Variants in CCDC112 observed in about 807,000 individuals in gnomAD.
The protein encoded by CCDC112 is coiled-coil domain-containing protein 112.
In CCDC112, 40 loss-of-function variants were observed where a neutral mutation model predicts 66.3. The observed-to-expected ratio is 0.60, with a 90% CI of 0.47 to 0.79. CCDC112 has a LOEUF of 0.79. Ranked by LOEUF, CCDC112 falls within the 30% of genes least tolerant of loss-of-function variation. The probability of loss-of-function intolerance (pLI) is 0.00; values close to 1 mark genes in which losing one functional copy is unlikely to be tolerated. For synonymous variants in CCDC112, 214 were observed against 197.2 expected, an observed-to-expected ratio of 1.09 and a Z score of -0.71; for missense variants, 659 against 603.8, an observed-to-expected ratio of 1.09 and a Z score of -0.96.
rs1750070306 is a variant in CCDC112, at chr5:115,294,611, G to T, written c.117+1816C>A. On this transcript the variant is annotated intron_variant, in intron 1 of 9. Coordinates refer to ENST00000379611, the MANE Select transcript of CCDC112 (RefSeq NM_001040440.3). ...GCTGACAGGAACTTTAGATATTTTG[G>T]TAGACATCTCTAGTATCATGAGATT... 2.6e-5 allele frequency among the ~76,000 whole-genome samples: 4 copies of T among 152,168 alleles called. No homozygotes were observed. In the South Asian group the frequency reaches 8.3e-4, roughly 32 times the overall value.
chr5:115,275,092 G>A (rs1344003586), intron 6 of CCDC112, 124 bp downstream of exon 6: 21 of 731,632 alleles, frequency 2.9e-5, no homozygotes, highest in African/African-American at 1.4e-4. Flanking sequence ...TTAGATTGTC[G>A]GGGGCGGGGA....
chr5:115,292,754 G>C (rs1749988814), intron 1 of CCDC112, among the ~76,000 whole-genome samples: 2 of 152,194 alleles, frequency 1.3e-5, no homozygotes, highest in Non-Finnish European at 2.9e-5. Flanking sequence ...CCAATAATTG[G>C]TCAGAGATTT....
chr5:115,289,771 C>T (rs954140014), intron 1 of CCDC112, among the ~76,000 whole-genome samples: 2 of 152,162 alleles, frequency 1.3e-5, no homozygotes, highest in Non-Finnish European at 2.9e-5. Context: ...TCTACCTCCA[C>T]CTCCCCAGTT....
Position 115,267,568 on chromosome 5 carries a change from T to C in CCDC112, c.*308A>G, listed in dbSNP as rs190440344. The C allele has an allele frequency of 9.4e-5, 23 of 245,698 alleles. No individual in the cohort carries two copies. The East Asian group carries it at 1.7e-3, about 18-fold the overall frequency. 15.2% of individuals were successfully genotyped at this position (245,698 alleles called of 1,614,324 possible). On this transcript the variant is annotated 3_prime_UTR_variant, in exon 10 of 10. Coordinates refer to ENST00000379611, the MANE Select transcript of CCDC112 (RefSeq NM_001040440.3). ...ATGATTGTTCCAATTTACTTTGCTATGCTATAACAAAAACAAAATCTCTTT... is the reference window on the plus strand; with the variant it reads ...ATGATTGTTCCAATTTACTTTGCTACGCTATAACAAAAACAAAATCTCTTT...
chr5:115,283,785 T>C (rs1289868299), intron 2 of CCDC112, among the ~76,000 whole-genome samples: 1 of 152,082 alleles, frequency 6.6e-6, no homozygotes, highest in Non-Finnish European at 1.5e-5. Flanking sequence ...GACCATTCCT[T>C]ATAATAGGCT....
chr5:115,284,232 T>C lies in CCDC112; in HGVS notation c.239+555A>G, dbSNP rs1020281474. Among the ~76,000 whole-genome samples, 6 of 152,130 alleles carry C rather than the reference T, an allele frequency of 3.9e-5. No individual in the cohort carries two copies. In the South Asian group the frequency reaches 1.2e-3, roughly 31 times the overall value. ...ACTGGTTAGTAAGAAGAACAATGGC[T>C]TTCAGAGTGGCTGGAGCCAGCCTAA... On this transcript the variant is annotated intron_variant, in intron 2 of 9. Coordinates refer to ENST00000379611, the MANE Select transcript of CCDC112 (RefSeq NM_001040440.3).
At chr5:115,295,505 G>A (rs923417013) in intron 1 of CCDC112, among the ~76,000 whole-genome samples, 1 of 152,178 alleles carries the variant, frequency 6.6e-6, no homozygotes, top group South Asian at 2.1e-4. Flanking sequence ...TACGAGTAAA[G>A]ACACTGTATT....
At chr5:115,278,522 T>C (rs144644886) in intron 3 of CCDC112, among the ~76,000 whole-genome samples, 276 of 151,950 alleles carry the variant, frequency 1.8e-3, no homozygotes, top group African/African-American at 6.3e-3. Context: ...CAAAGTGAAA[T>C]AGATTGGTAC....
chr5:115,270,766 T>C (rs1748961975), intron 7 of CCDC112, among the ~76,000 whole-genome samples: 1 of 152,198 alleles, frequency 6.6e-6, no homozygotes, highest in South Asian at 2.1e-4. Context: ...TCCCCTCTCC[T>C]GCTTAATGCC....
chr5:115,279,836 ACACT>A (rs1462260687), intron 2 of CCDC112, 68 bp from the exon 3 acceptor site: 1 of 840,164 alleles, frequency 1.2e-6, no homozygotes, highest in East Asian at 2.8e-5. Flanking sequence ...AAATATGAAG[ACACT>A]CAATAATCCG....
intron 9 of CCDC112, among the ~76,000 whole-genome samples, chr5:115,268,323 A>C (rs1048174791): frequency 6.6e-6 from 1 of 152,196 alleles, no homozygotes; most frequent in East Asian, 1.9e-4. Flanking sequence ...ACTGTTACCC[A>C]GGTGGCACGA....
intron 4 of CCDC112, 134 bp downstream of exon 4, chr5:115,276,831 T>A: frequency 1.8e-6 from 1 of 562,496 alleles, no homozygotes; most frequent in Admixed American, 3.2e-5. Flanking sequence ...ACTTATTAAG[T>A]CCTAACCAAT....
At chr5:115,292,163 C>G (rs1749960454) in intron 1 of CCDC112, among the ~76,000 whole-genome samples, 1 of 152,120 alleles carries the variant, frequency 6.6e-6, no homozygotes, top group Non-Finnish European at 1.5e-5. Context: ...TCTCACAGAT[C>G]TCAGACTCTG....
chr5:115,274,689 G>A (rs1383479749), intron 6 of CCDC112, among the ~76,000 whole-genome samples: 1 of 152,150 alleles, frequency 6.6e-6, no homozygotes, highest in African/African-American at 2.4e-5. Context: ...GACATGTTTG[G>A]CTATGAGGAA....
At chr5:115,283,499 T>C (rs567208668) in intron 2 of CCDC112, among the ~76,000 whole-genome samples, 126 of 152,284 alleles carry the variant, frequency 8.3e-4, no homozygotes, top group Non-Finnish European at 1.3e-3. Context: ...GGTAACTATG[T>C]GAAGTGATGG....
In CCDC112 at chr5:115,275,533, ATG is replaced by A; in HGVS notation, c.599_600del (p.Thr200MetfsTer5). The stretch of plus-strand genomic sequence containing the variant: ...TCTGTTTCTGAATTACCCAAAGCCC[ATG>A]TGTCAATTTTTCTTGATATGGCACT... Reference protein sequence around the residue: ...ELSAISRKIDTWALGNSETEK... With the variant: ...ELSAISRKIDXWALGNSETEK... On this transcript the variant is annotated frameshift_variant, in exon 6 of 10. Transcript: ENST00000379611. LOFTEE classifies it high-confidence loss of function. The A allele has an allele frequency of 1.2e-6, 2 of 1,613,872 alleles. No homozygotes were observed. The highest frequency in any genetic ancestry group is 1.7e-6 in the Non-Finnish European group (2 of 1,179,952).
chr5:115,267,818 TC>T lies in CCDC112; in HGVS notation c.*57del. 7.6e-7 allele frequency: 1 copy of T among 1,315,626 alleles called. No individual in the cohort carries two copies. The highest frequency in any genetic ancestry group is 1.4e-5 in the African/African-American group (1 of 69,096). The allele number at this position is 1,315,626 out of a possible 1,614,324, so 81.5% of individuals were successfully genotyped here. A position where few individuals can be genotyped will look rare whatever the true frequency, so the allele number is the denominator to read the frequency against. ...TTAAAGAATGTGGTTAGTCACTCTC[TC>T]CCTGGTATAACTTAGTATGTTAACA... On this transcript the variant is annotated 3_prime_UTR_variant, in exon 10 of 10. Transcript: ENST00000379611.
chr5:115,284,801 T>G lies in CCDC112; in HGVS notation c.225A>C (p.Glu75Asp). Residue 75 changes from glutamate to aspartate, a missense_variant, in exon 2 of 10, where the codon GAA becomes GAC. Physicochemically the swap from Glu to Asp is conservative, Grantham distance 45. Coordinates refer to ENST00000379611, the MANE Select transcript of CCDC112 (RefSeq NM_001040440.3). ...TKKAEFVRTA[E>D]KFKNQVINME... is the part of the protein sequence containing the mutation. Reference sequence around the variant, plus strand: ...CTTATACTTACTGATTTTTAAATTTTTCTGCTGTGCGTACAAATTCTGCTT... The same window carrying G: ...CTTATACTTACTGATTTTTAAATTTGTCTGCTGTGCGTACAAATTCTGCTT... 1 of 1,604,154 alleles carries G rather than the reference T, an allele frequency of 6.2e-7. No individual in the cohort carries two copies. The highest frequency in any genetic ancestry group is 8.5e-7 in the Non-Finnish European group (1 of 1,171,304).
chr5:115,284,374 T>C (rs1749586992), intron 2 of CCDC112, among the ~76,000 whole-genome samples: 1 of 152,178 alleles, frequency 6.6e-6, no homozygotes, highest in African/African-American at 2.4e-5. Context: ...TATATGATGT[T>C]CGTCATTTAT....
Sources: gnomAD v4.1 joint callset for allele counts (sites outside exome capture counted in the v4.1 genomes callset) on GRCh38, gnomAD v4.1.1 for gene constraint, MANE v1.5 for transcripts, NCBI Gene and HGNC (gene_info 2026-07-23, HGNC 2026-07-21) for gene names.